The following BABAM2 variants were observed in gnomAD, a reference collection of about 807,000 sequenced individuals.
BABAM2 encodes the protein BRISC and BRCA1 A complex member 2, also known as BRISC and BRCA1-A complex member 2.
Under a neutral mutation model 54.7 loss-of-function variants are expected in BABAM2, and 31 were observed. The ratio of observed to expected loss-of-function variants is 0.57; its 90% CI spans 0.43 to 0.77. BABAM2 has a LOEUF of 0.77. Among genes scored for constraint, BABAM2 ranks in the 30% least tolerant of loss-of-function variants. The pLI, the probability that BABAM2 is intolerant of heterozygous loss-of-function variation, is 0.00. For synonymous variants in BABAM2, 167 were observed against 162.9 expected (o/e 1.03, Z -0.19); for missense variants, 364 against 455.8 (o/e 0.80, Z 1.83).
intron 3 of BABAM2, among the ~76,000 whole-genome samples, chr2:27,945,616 A>G (rs561139609): frequency 6.6e-6 from 1 of 152,304 alleles, no homozygotes; most frequent in African/African-American, 2.4e-5. Context: ...CAGTTTGTAG[A>G]GAATTAACAT....
At chr2:28,272,871 G>A (rs1457981995) in intron 10 of BABAM2, among the ~76,000 whole-genome samples, 1 of 152,110 alleles carries the variant, frequency 6.6e-6, no homozygotes, top group Admixed American at 6.5e-5. Flanking sequence ...ATTGAACTGG[G>A]GACTGACGTG....
Position 28,322,710 on chromosome 2 carries a change from A to AG in BABAM2, c.1089-15738dup, listed in dbSNP as rs1009966001. ...CTTAGGCCAGGCCTTGAGGGTGGGT[A>AG]GGTGTCAGGTAGGTGGGAGACCCCC... On this transcript the variant is annotated intron_variant, in intron 11 of 11. Transcript: ENST00000379624. The surrounding 1 kb of genome is among the most constrained non-coding windows in gnomAD (Gnocchi z 4.1). 2.0e-5 allele frequency among the ~76,000 whole-genome samples: 3 copies of AG among 152,222 alleles called. No individual in the cohort carries two copies. Among genetic ancestry groups the AG allele is most frequent in the Non-Finnish European group, 4.4e-5 (3 of 68,026 alleles).
chr2:28,299,271 C>G (rs1409295533), intron 11 of BABAM2, among the ~76,000 whole-genome samples: 1 of 152,180 alleles, frequency 6.6e-6, no homozygotes. Context: ...GCTCATGAAC[C>G]TCTCAGTGTG....
chr2:28,067,935 A>T (rs900330913), intron 6 of BABAM2, among the ~76,000 whole-genome samples: 1 of 152,132 alleles, frequency 6.6e-6, no homozygotes, highest in Non-Finnish European at 1.5e-5. Flanking sequence ...TTCCTTTTTT[A>T]AAAAAATTTC....
intron 6 of BABAM2, among the ~76,000 whole-genome samples, chr2:28,127,897 C>T (rs1470449438): frequency 1.3e-5 from 2 of 151,408 alleles, no homozygotes; most frequent in Non-Finnish European, 2.9e-5. Context: ...AGCTCCGCCT[C>T]CCGGGTTCAT....
intron 7 of BABAM2, among the ~76,000 whole-genome samples, chr2:28,215,400 G>A (rs1004726600): frequency 6.6e-6 from 1 of 152,046 alleles, no homozygotes; most frequent in African/African-American, 2.4e-5. Flanking sequence ...CATACTTATG[G>A]GCATTTAATA....
intron 8 of BABAM2, among the ~76,000 whole-genome samples, chr2:28,240,435 T>G (rs1682305684): frequency 6.6e-6 from 1 of 152,198 alleles, no homozygotes; most frequent in African/African-American, 2.4e-5. Flanking sequence ...TAGCCCAATT[T>G]ATTTGAAAAA....
intron 7 of BABAM2, among the ~76,000 whole-genome samples, chr2:28,231,827 A>G (rs1681426108): frequency 1.9e-5 from 2 of 107,364 alleles, no homozygotes; most frequent in African/African-American, 3.7e-5. Flanking sequence ...TTTTTTTAAG[A>G]GACAGAGTCC....
At chr2:28,079,926 T>G (rs1665018072) in intron 6 of BABAM2, among the ~76,000 whole-genome samples, 1 of 152,152 alleles carries the variant, frequency 6.6e-6, no homozygotes, top group South Asian at 2.1e-4. Flanking sequence ...ATTTTAAAAA[T>G]ATGTTACCTA....
intron 7 of BABAM2, among the ~76,000 whole-genome samples, chr2:28,145,149 A>G (rs1394424898): frequency 6.6e-6 from 1 of 152,236 alleles, no homozygotes; most frequent in East Asian, 1.9e-4. Flanking sequence ...TGATCTTTCC[A>G]GTGTGGTGTG....
chr2:27,988,088 G>A lies in BABAM2; in HGVS notation c.300+1G>A. The A allele has an allele frequency of 1.9e-6, 3 of 1,610,854 alleles. No individual in the cohort carries two copies. The highest frequency in any genetic ancestry group is 2.5e-6 in the Non-Finnish European group (3 of 1,177,164). On this transcript the variant is annotated splice_donor_variant, in intron 4 of 11. Coordinates refer to ENST00000379624, the MANE Select transcript of BABAM2 (RefSeq NM_199191.3). LOFTEE classifies it high-confidence loss of function. ...CCTGCCAGACCCCTCAGCTTTGCAG[G>A]TGAGTACTGCAGACTTGCTTGAATG...
At chr2:28,048,097 C>T (rs1677734245) in intron 6 of BABAM2, among the ~76,000 whole-genome samples, 1 of 152,178 alleles carries the variant, frequency 6.6e-6, no homozygotes, top group Non-Finnish European at 1.5e-5. Flanking sequence ...TTAGGATACT[C>T]TTCACCAGCA....
intron 7 of BABAM2, among the ~76,000 whole-genome samples, chr2:28,234,513 G>T (rs529065682): frequency 6.6e-6 from 1 of 152,126 alleles, no homozygotes. Flanking sequence ...ATAATTTAAT[G>T]ACTGATTAAA....
intron 10 of BABAM2, among the ~76,000 whole-genome samples, chr2:28,263,278 A>G (rs1018162037): frequency 2.6e-5 from 4 of 152,232 alleles, no homozygotes; most frequent in Non-Finnish European, 4.4e-5. Context: ...TAAATACTTT[A>G]CAATAATTCC....
intron 7 of BABAM2, among the ~76,000 whole-genome samples, chr2:28,180,858 A>G (rs1675550536): frequency 6.6e-6 from 1 of 152,216 alleles, no homozygotes; most frequent in Non-Finnish European, 1.5e-5. Flanking sequence ...TATACAAAAA[A>G]TGCTCAATGT....
chr2:28,136,966 A>G (rs1670600037), intron 7 of BABAM2, among the ~76,000 whole-genome samples: 2 of 152,350 alleles, frequency 1.3e-5, no homozygotes, highest in South Asian at 2.1e-4. Flanking sequence ...CAAGTTAAAT[A>G]TATTGGTATA....
chr2:28,080,067 C>T (rs1196756997), intron 6 of BABAM2, among the ~76,000 whole-genome samples: 1 of 152,080 alleles, frequency 6.6e-6, no homozygotes, highest in African/African-American at 2.4e-5. Flanking sequence ...TTAAGAAACC[C>T]TTCAGCCACT....
intron 5 of BABAM2, among the ~76,000 whole-genome samples, chr2:28,028,975 C>T (rs1311987222): frequency 2.0e-5 from 3 of 152,130 alleles, no homozygotes; most frequent in African/African-American, 7.2e-5. Context: ...CTATATTGGT[C>T]AGGCTGGTCT....
chr2:27,954,150 G>A (rs1669930317), intron 3 of BABAM2, among the ~76,000 whole-genome samples: 1 of 152,168 alleles, frequency 6.6e-6, no homozygotes, highest in East Asian at 1.9e-4. Flanking sequence ...TTTCTAGTTA[G>A]TTCTTCCTTT....
Sources: gnomAD v4.1 joint callset for allele counts (sites outside exome capture counted in the v4.1 genomes callset) on GRCh38, gnomAD v4.1.1 for gene constraint, Gnocchi (gnomAD v3.1) non-coding constraint, MANE v1.5 for transcripts, NCBI Gene and HGNC (gene_info 2026-07-23, HGNC 2026-07-21) for gene names.